Variants in PRPSAP1 observed in about 807,000 individuals in gnomAD.
The protein encoded by PRPSAP1 is phosphoribosyl pyrophosphate synthetase associated protein 1, also known as phosphoribosyl pyrophosphate synthase-associated protein 1.
Under a neutral mutation model 39.4 loss-of-function variants are expected in PRPSAP1, and 31 were observed. The ratio of observed to expected loss-of-function variants is 0.79; its 90% CI spans 0.59 to 1.06. The LOEUF (loss-of-function observed/expected upper bound fraction) is 1.06. Ranked by LOEUF, PRPSAP1 falls within the 50% of genes least tolerant of loss-of-function variation. The pLI, the probability that PRPSAP1 is intolerant of heterozygous loss-of-function variation, is 0.00. For missense variants in PRPSAP1, 430 were observed against 511.6 expected, an observed-to-expected ratio of 0.84 and a Z score of 1.54; for synonymous variants, 212 against 192.6, an observed-to-expected ratio of 1.10 and a Z score of -0.83.
intron 1 of PRPSAP1, among the ~76,000 whole-genome samples, chr17:76,349,894 T>C (rs1416606958): frequency 6.6e-6 from 1 of 151,142 alleles, no homozygotes; most frequent in Non-Finnish European, 1.5e-5. Flanking sequence ...GAGACCCGCC[T>C]GGGCAACATG....
intron 3 of PRPSAP1, among the ~76,000 whole-genome samples, chr17:76,338,860 C>A (rs1365237879): frequency 6.6e-6 from 1 of 150,984 alleles, no homozygotes; most frequent in Non-Finnish European, 1.5e-5. Flanking sequence ...ATGGTAAAAC[C>A]CCATCTCTAC....
intron 3 of PRPSAP1, among the ~76,000 whole-genome samples, chr17:76,340,826 G>C (rs996799090): frequency 1.3e-5 from 2 of 150,396 alleles, no homozygotes; most frequent in African/African-American, 2.4e-5. Flanking sequence ...GGAGGCGGGG[G>C]TTGTGGTGGG....
intron 3 of PRPSAP1, among the ~76,000 whole-genome samples, chr17:76,341,559 A>G (rs768168494): frequency 2.6e-5 from 4 of 152,194 alleles, no homozygotes; most frequent in Non-Finnish European, 5.9e-5. Flanking sequence ...TTTCTTAAAG[A>G]TAACTCTTTA....
At chr17:76,346,673 T>C (rs1057364570) in intron 2 of PRPSAP1, among the ~76,000 whole-genome samples, 23 of 152,216 alleles carry the variant, frequency 1.5e-4, no homozygotes, top group African/African-American at 5.5e-4. Context: ...TGAAAAGTTG[T>C]TAAACAACAT....
At chr17:76,344,822 G>A (rs924024910) in intron 2 of PRPSAP1, 85 bp from the exon 3 acceptor site, 6 of 1,002,832 alleles carry the variant, frequency 6.0e-6, no homozygotes, top group Admixed American at 4.8e-5. Flanking sequence ...ACTTCATGCC[G>A]GGCGCGGTGG....
At position 76,353,640 on chromosome 17, in the gene PRPSAP1, C is replaced by A; in HGVS notation, c.64G>T (p.Ala22Ser). 6.5e-7 allele frequency: 1 copy of A among 1,535,712 alleles called. No individual in the cohort carries two copies. The highest frequency in any genetic ancestry group is 8.7e-7 in the Non-Finnish European group (1 of 1,146,956). ...SASSAFRVPRARPVPPPAMNA... is the reference protein window; with the variant it reads ...SASSAFRVPRSRPVPPPAMNA... ...ATGGCCGGCGGGGGAACGGGGCGGG[C>A]GCGCGGGACGCGGAAAGCCGAGGAC... The change falls in exon 1 of 10, where the codon GCC becomes TCC. Residue 22 changes from alanine to serine, a missense_variant. Physicochemically the swap from Ala to Ser is moderately conservative, Grantham distance 99 (BLOSUM62 1). Coordinates refer to ENST00000446526, the MANE Select transcript of PRPSAP1 (RefSeq NM_002766.3).
intron 7 of PRPSAP1, among the ~76,000 whole-genome samples, chr17:76,321,788 G>C (rs917849270): frequency 2.0e-5 from 3 of 152,096 alleles, no homozygotes; most frequent in African/African-American, 7.2e-5. Flanking sequence ...CAAACAGCCA[G>C]GCTGTGAATG....
intron 7 of PRPSAP1, among the ~76,000 whole-genome samples, chr17:76,326,549 A>G (rs2071258006): frequency 6.6e-6 from 1 of 152,206 alleles, no homozygotes; most frequent in Non-Finnish European, 1.5e-5. Flanking sequence ...TCCTGAGGAC[A>G]CAAACAAGCC....
intron 7 of PRPSAP1, among the ~76,000 whole-genome samples, chr17:76,317,167 T>C (rs951201850): frequency 5.0e-5 from 6 of 120,380 alleles, no homozygotes; most frequent in Non-Finnish European, 9.3e-5. Flanking sequence ...CTGGCCAACA[T>C]GGCAAAACCC....
chr17:76,315,111 T>G (rs973124432), intron 7 of PRPSAP1, among the ~76,000 whole-genome samples: 1 of 152,182 alleles, frequency 6.6e-6, no homozygotes, highest in African/African-American at 2.4e-5. Flanking sequence ...CCTGATTTAA[T>G]TGGTGCTTAA....
intron 3 of PRPSAP1, among the ~76,000 whole-genome samples, chr17:76,340,688 C>T (rs796231842): frequency 1.2e-4 from 19 of 152,040 alleles, no homozygotes; most frequent in African/African-American, 4.1e-4. Flanking sequence ...GTTGGGAGTT[C>T]GAGACCAGCC....
rs765811737 is a variant in PRPSAP1 at position 76,353,516 on chromosome 17, C to A, written c.170+18G>T. ...AGGCGCCGCCGCCCCCGGCCCGGCC[C>A]TCCCACCGCCCCCTTACTCTGTGAT... On this transcript the variant is annotated intron_variant, in intron 1 of 9. Coordinates refer to ENST00000446526, the MANE Select transcript of PRPSAP1 (RefSeq NM_002766.3). The A allele has an allele frequency of 6.7e-6, 10 of 1,486,354 alleles. No homozygotes were observed. The South Asian group carries it at 1.3e-4, about 19-fold the overall frequency. The allele number at this position is 1,486,354 out of a possible 1,614,324, so 92.1% of individuals were successfully genotyped here.
chr17:76,353,145 T>A, intron 1 of PRPSAP1: 1 of 176,722 alleles, frequency 5.7e-6, no homozygotes, highest in East Asian at 1.6e-4. Context: ...GACTTGAGAG[T>A]GGCGGCGGTC....
intron 3 of PRPSAP1, among the ~76,000 whole-genome samples, chr17:76,336,772 G>A (rs113499695): frequency 0.016 from 2,434 of 149,168 alleles, 74 homozygotes; most frequent in African/African-American, 0.057. Context: ...AATTTCCCAT[G>A]AGGTTTTTAT....
At chr17:76,321,640 T>G (rs146443330) in intron 7 of PRPSAP1, among the ~76,000 whole-genome samples, 1 of 152,098 alleles carries the variant, frequency 6.6e-6, no homozygotes, top group Non-Finnish European at 1.5e-5. Flanking sequence ...ACACAATATA[T>G]TGAAATTAGG....
At chr17:76,317,766 CAA>C (rs2071140608) in intron 7 of PRPSAP1, among the ~76,000 whole-genome samples, 1 of 152,120 alleles carries the variant, frequency 6.6e-6, no homozygotes, top group Non-Finnish European at 1.5e-5. Flanking sequence ...TTTTGTGATC[CAA>C]ACTCTTACTT....
Position 76,310,769 on chromosome 17 carries a change from CTTTTTTT to C in PRPSAP1, c.*766_*772del, listed in dbSNP as rs75646857. ...ATAGGTGTGAGCCACCACACCTAGA[CTTTTTTT>C]TTTTTTTTTTAAAGATTTAAAATAC... On this transcript the variant is annotated 3_prime_UTR_variant, in exon 10 of 10. Transcript: ENST00000446526. The C allele has an allele frequency of 8.0e-5, 11 of 138,118 alleles. No homozygotes were observed. Among genetic ancestry groups the C allele is most frequent in the Non-Finnish European group, 1.6e-4 (10 of 63,054 alleles). 8.6% of individuals were successfully genotyped at this position (138,118 alleles called of 1,614,324 possible).
chr17:76,329,057 T>C (rs1200565314), intron 6 of PRPSAP1, 195 bp from the exon 7 acceptor site: 8 of 614,032 alleles, frequency 1.3e-5, no homozygotes, highest in African/African-American at 3.8e-5. Context: ...GGTTTGGGAT[T>C]GTATCTGATT....
intron 2 of PRPSAP1, chr17:76,346,152 A>C: frequency 3.9e-6 from 1 of 253,746 alleles, no homozygotes; most frequent in Non-Finnish European, 7.9e-6. Flanking sequence ...TACAGTTTGA[A>C]ATACTATTTT....
Sources: allele counts gnomAD v4.1 joint callset (sites outside exome capture counted in the v4.1 genomes callset), GRCh38; gene constraint gnomAD v4.1.1; transcripts MANE v1.5; gene names NCBI Gene and HGNC (gene_info 2026-07-23, HGNC 2026-07-21).